Variants in ADGRL2 observed in about 807,000 individuals in gnomAD.
The protein encoded by ADGRL2 is adhesion G protein-coupled receptor L2, also known as calcium-independent alpha-latrotoxin receptor 2.
ADGRL2 carries 44 observed loss-of-function variants against 157.4 expected under a neutral mutation model. The observed-to-expected ratio is 0.28, with a 90% CI of 0.22 to 0.36. The LOEUF (loss-of-function observed/expected upper bound fraction) is 0.36, where lower values mean the gene tolerates loss of function less well. Ranked by LOEUF, ADGRL2 falls within the 10% of genes least tolerant of loss-of-function variation. The pLI is 1.00. For synonymous variants in ADGRL2, 585 were observed against 624.7 expected, an observed-to-expected ratio of 0.94 and a Z score of 0.95; for missense variants, 1,510 against 1,768.9, an observed-to-expected ratio of 0.85 and a Z score of 2.63.
At chr1:81,642,115 G>T (rs549144820) in intron 3 of ADGRL2, among the ~76,000 whole-genome samples, 1 of 151,818 alleles carries the variant, frequency 6.6e-6, no homozygotes, top group East Asian at 1.9e-4. Flanking sequence ...AGGTGTGGTG[G>T]TGGGCACCGG....
intron 3 of ADGRL2, among the ~76,000 whole-genome samples, chr1:81,694,069 C>T (rs2083395361): frequency 1.3e-5 from 2 of 152,056 alleles, no homozygotes. Context: ...TAGCTGAGTC[C>T]TAAGGGACAT....
intron 1 of ADGRL2, among the ~76,000 whole-genome samples, chr1:81,387,707 A>G (rs2076462494): frequency 6.6e-6 from 1 of 152,144 alleles, no homozygotes; most frequent in Non-Finnish European, 1.5e-5. Context: ...CTGCAGTTTC[A>G]TAATGATGTA....
At chr1:81,760,027 G>T (rs1172327808) in intron 1 of ADGRL2, among the ~76,000 whole-genome samples, 1 of 152,058 alleles carries the variant, frequency 6.6e-6, no homozygotes, top group African/African-American at 2.4e-5. Context: ...TCTAAAAAAA[G>T]AAATGGTAGA....
At chr1:81,896,902 A>G (rs2094399881) in intron 2 of ADGRL2, among the ~76,000 whole-genome samples, 3 of 152,178 alleles carry the variant, frequency 2.0e-5, no homozygotes, top group African/African-American at 7.2e-5. Flanking sequence ...TCCATAAAGA[A>G]CACCGTAAAT....
At chr1:81,957,633 A>T (rs1653966079) in intron 11 of ADGRL2, among the ~76,000 whole-genome samples, 1 of 152,052 alleles carries the variant, frequency 6.6e-6, no homozygotes, top group Admixed American at 6.5e-5. Flanking sequence ...ACCTGAGCCC[A>T]GGGAGGGAGA....
In ADGRL2 at chr1:81,610,087, A is replaced by G. The variant is rs549640973; in HGVS notation, c.-143+29107A>G. Among the ~76,000 whole-genome samples the G allele has an allele frequency of 3.9e-5, 6 of 152,270 alleles. No individual in the cohort carries two copies. In the South Asian group the frequency reaches 1.2e-3, roughly 32 times the overall value. On this transcript the variant is annotated intron_variant, in intron 3 of 24. Transcript: ENST00000370721. The stretch of plus-strand genomic sequence containing the variant: ...CTGCCTCTTGGGGAGTGAATTCCTG[A>G]TTAGAATGCTAGTTGCACCAGGGGT...
intron 2 of ADGRL2, among the ~76,000 whole-genome samples, chr1:81,531,604 G>A (rs114536825): frequency 7.8e-4 from 119 of 152,200 alleles, no homozygotes; most frequent in Middle Eastern, 6.8e-3. Context: ...GGGAACCCAC[G>A]TCTTAATGAG....
intron 2 of ADGRL2, among the ~76,000 whole-genome samples, chr1:81,547,067 C>T (rs141618532): frequency 4.6e-5 from 7 of 152,276 alleles, no homozygotes; most frequent in East Asian, 1.9e-4. Context: ...CTTTATCTAC[C>T]GTGAATGGCT....
intron 2 of ADGRL2, among the ~76,000 whole-genome samples, chr1:81,516,932 C>A (rs1200115977): frequency 7.0e-6 from 1 of 143,066 alleles, no homozygotes; most frequent in Non-Finnish European, 1.5e-5. Context: ...CACTAACTTG[C>A]ATACAGTGGG....
At chr1:81,923,210 C>A (rs1343078567) in intron 3 of ADGRL2, among the ~76,000 whole-genome samples, 2 of 152,162 alleles carry the variant, frequency 1.3e-5, no homozygotes, top group Non-Finnish European at 2.9e-5. Flanking sequence ...TTATTATATA[C>A]AGCTAACGTG....
At chr1:81,369,087 G>A (rs1015174294) in intron 1 of ADGRL2, among the ~76,000 whole-genome samples, 3 of 149,304 alleles carry the variant, frequency 2.0e-5, no homozygotes, top group Non-Finnish European at 3.0e-5. Flanking sequence ...AAAGTGAAAA[G>A]GAATAATAAG....
At chr1:81,661,231 G>C (rs1281247268) in intron 3 of ADGRL2, among the ~76,000 whole-genome samples, 1 of 152,084 alleles carries the variant, frequency 6.6e-6, no homozygotes, top group Non-Finnish European at 1.5e-5. Flanking sequence ...ATTAACAAGT[G>C]ATACTATCAC....
intron 2 of ADGRL2, among the ~76,000 whole-genome samples, chr1:81,468,806 A>C (rs908413482): frequency 6.6e-6 from 1 of 152,164 alleles, no homozygotes; most frequent in Non-Finnish European, 1.5e-5. Context: ...TTCAATTGAC[A>C]TACAAAGTTC....
intron 2 of ADGRL2, among the ~76,000 whole-genome samples, chr1:81,506,575 C>G (rs1025041059): frequency 6.6e-6 from 1 of 151,912 alleles, no homozygotes; most frequent in African/African-American, 2.4e-5. Flanking sequence ...CCAGGTGTGT[C>G]AGTGCACACC....
intron 2 of ADGRL2, chr1:81,502,553 G>C: frequency 3.7e-6 from 6 of 1,614,080 alleles, no homozygotes; most frequent in Non-Finnish European, 5.1e-6. Context: ...GCTGGTGACC[G>C]AGAAGGGGGG....
intron 1 of ADGRL2, among the ~76,000 whole-genome samples, chr1:81,753,710 T>G (rs2085566443): frequency 6.6e-6 from 1 of 152,240 alleles, no homozygotes. Context: ...TAGATTAGAA[T>G]GTAAGCTCAT....
Position 81,812,719 on chromosome 1 carries a change from C to T in ADGRL2, c.-101+11651C>T, listed in dbSNP as rs151074172. Reference sequence around the variant, plus strand: ...ATTCCTCTACATTTAATTAATAGACCAGATTAGATGAGTTGCATATGTGCT... The same window carrying T: ...ATTCCTCTACATTTAATTAATAGACTAGATTAGATGAGTTGCATATGTGCT... On this transcript the variant is annotated intron_variant, in intron 1 of 23. Coordinates refer to ENST00000686636, the MANE Select transcript of ADGRL2 (RefSeq NM_001366006.2). Among the ~76,000 whole-genome samples the T allele has an allele frequency of 1.3e-3, 190 of 151,744 alleles. 7 individuals carry two copies. The South Asian group carries it at 0.036, about 29-fold the overall frequency.
chr1:81,864,986 A>T (rs1448698751), intron 2 of ADGRL2, among the ~76,000 whole-genome samples: 1 of 152,106 alleles, frequency 6.6e-6, no homozygotes, highest in East Asian at 1.9e-4. Context: ...GCTGTATCTC[A>T]AAAGAAAAAC....
intron 2 of ADGRL2, among the ~76,000 whole-genome samples, chr1:81,508,135 G>A (rs1298417349): frequency 1.3e-5 from 2 of 152,132 alleles, no homozygotes; most frequent in Non-Finnish European, 2.9e-5. Context: ...TAAGGCACAT[G>A]GAATCACTGA....
Sources: gnomAD v4.1 joint callset for allele counts (sites outside exome capture counted in the v4.1 genomes callset) on GRCh38, gnomAD v4.1.1 for gene constraint, MANE v1.5 for transcripts, NCBI Gene and HGNC (gene_info 2026-07-23, HGNC 2026-07-21) for gene names.